Variants in ATRN observed in about 807,000 individuals in gnomAD.
The protein encoded by ATRN is attractin.
In ATRN, 54 loss-of-function variants were observed where a neutral mutation model predicts 178.7. The observed-to-expected ratio is 0.30, with a 90% CI of 0.24 to 0.38. The LOEUF (loss-of-function observed/expected upper bound fraction) is 0.38. Among genes scored for constraint, ATRN ranks in the 10% least tolerant of loss-of-function variants. The probability of loss-of-function intolerance (pLI) is 1.00; values close to 1 mark genes in which losing one functional copy is unlikely to be tolerated. For synonymous variants in ATRN, 636 were observed against 663.0 expected (o/e 0.96, Z 0.63); for missense variants, 1,443 against 1,815.1 (o/e 0.79, Z 3.73).
chr20:3,562,060 C>T (rs569302795), intron 8 of ATRN, among the ~76,000 whole-genome samples: 1 of 152,292 alleles, frequency 6.6e-6, no homozygotes, highest in African/African-American at 2.4e-5. Flanking sequence ...TCTTTTCCTA[C>T]ATGGCATATT....
At chr20:3,626,976 G>C (rs944762618) in intron 25 of ATRN, among the ~76,000 whole-genome samples, 7 of 151,796 alleles carry the variant, frequency 4.6e-5, no homozygotes, top group Non-Finnish European at 1.0e-4. Flanking sequence ...TAGCAGAGAC[G>C]GGGTTTCACC....
chr20:3,602,095 A>C (rs747769894), intron 23 of ATRN, among the ~76,000 whole-genome samples: 2 of 151,992 alleles, frequency 1.3e-5, no homozygotes, highest in South Asian at 4.2e-4. Context: ...GTGGGAAGCC[A>C]AGGTGGGAAG....
At chr20:3,540,450 T>C in intron 3 of ATRN, 115 bp downstream of exon 3, 1 of 674,518 alleles carries the variant, frequency 1.5e-6, no homozygotes, top group Non-Finnish European at 2.5e-6. Flanking sequence ...ATTTATTTAA[T>C]GGAAAGAATA....
chr20:3,506,022 A>G lies in ATRN; in HGVS notation c.411-29231A>G, dbSNP rs200555394. On this transcript the variant is annotated intron_variant, in intron 1 of 28. Coordinates refer to ENST00000262919, the MANE Select transcript of ATRN (RefSeq NM_139321.3). ...ACTGTGGAGGTAGATCCTTGAATCT[A>G]TACAGGTGACAGAATTGTATAGACT... Among the ~76,000 whole-genome samples the G allele has an allele frequency of 5.9e-5, 9 of 152,312 alleles. No homozygotes were observed. The East Asian group carries it at 1.7e-3, about 29-fold the overall frequency.
Position 3,547,163 on chromosome 20 carries a change from G to A in ATRN, c.738-121G>A, listed in dbSNP as rs1254697975. The A allele has an allele frequency of 6.4e-6, 5 of 780,928 alleles. No homozygotes were observed. The African/African-American group carries it at 8.6e-5, about 13-fold the overall frequency. 48.4% of individuals were successfully genotyped at this position (780,928 alleles called of 1,614,324 possible). On this transcript the variant is annotated intron_variant, in intron 4 of 28. Coordinates refer to ENST00000262919, the MANE Select transcript of ATRN (RefSeq NM_139321.3). The stretch of plus-strand genomic sequence containing the variant: ...CATTTGGACTGAATCCTTAAGTACT[G>A]CAGTTACACTTGTGAATGAACTGAG...
intron 1 of ATRN, among the ~76,000 whole-genome samples, chr20:3,510,924 G>A (rs188488280): frequency 3.2e-4 from 49 of 152,190 alleles, no homozygotes; most frequent in African/African-American, 9.2e-4. Flanking sequence ...TCAGTAGTTC[G>A]TAGAACAAAA....
intron 3 of ATRN, among the ~76,000 whole-genome samples, chr20:3,545,292 C>T (rs1227910531): frequency 2.7e-5 from 4 of 150,894 alleles, no homozygotes; most frequent in Admixed American, 1.3e-4. Context: ...CGCTTGAACC[C>T]CGGGACGCAG....
intron 2 of ATRN, among the ~76,000 whole-genome samples, chr20:3,538,765 A>G (rs914152220): frequency 6.6e-6 from 1 of 152,026 alleles, no homozygotes; most frequent in African/African-American, 2.4e-5. Context: ...CTCCTGGGCC[A>G]CTTAATAGCC....
At chr20:3,615,574 G>GAACACTTCACC (rs2086834140) in intron 24 of ATRN, among the ~76,000 whole-genome samples, 1 of 117,224 alleles carries the variant, frequency 8.5e-6, no homozygotes, top group African/African-American at 3.2e-5. Flanking sequence ...TTTTTTTTTG[G>GAACACTTCACC]AGACAGAGTC....
In ATRN at chr20:3,634,266, AT is replaced by A. The variant is rs770636742; in HGVS notation, c.3864-43del. On this transcript the variant is annotated intron_variant, in intron 25 of 28. Transcript: ENST00000262919. ...GAGGTGTGGGCAACGGTGGGAGCTG[AT>A]TCTGGGGGCTGGGATAATAACTCAG... 5.5e-5 allele frequency: 87 copies of A among 1,585,164 alleles called. No individual in the cohort carries two copies. In the South Asian group the frequency reaches 6.0e-4, roughly 11 times the overall value.
chr20:3,537,477 A>T (rs997673133), intron 2 of ATRN, among the ~76,000 whole-genome samples: 6 of 139,976 alleles, frequency 4.3e-5, no homozygotes, highest in Admixed American at 3.5e-4. Flanking sequence ...AGTGTTTTAT[A>T]TATTTTTTTC....
chr20:3,565,527 G>A, intron 11 of ATRN, 95 bp downstream of exon 11: 1 of 1,021,004 alleles, frequency 9.8e-7, no homozygotes, highest in Admixed American at 2.0e-5. Flanking sequence ...TGGCACTTTG[G>A]GAGGCCGAGG....
At chr20:3,596,821 C>G (rs2086536813) in intron 21 of ATRN, among the ~76,000 whole-genome samples, 1 of 152,050 alleles carries the variant, frequency 6.6e-6, no homozygotes, top group Non-Finnish European at 1.5e-5. Context: ...GTCATTCTGT[C>G]TGGAACTGAT....
At chr20:3,615,757 T>C in intron 24 of ATRN, 1 of 454,336 alleles carries the variant, frequency 2.2e-6, no homozygotes, top group Non-Finnish European at 4.4e-6. Context: ...GGTTTTACCA[T>C]GTTGCCCCCA....
At chr20:3,597,776 AC>A (rs2086551734) in intron 21 of ATRN, 129 bp from the exon 22 acceptor site, 2 of 563,940 alleles carry the variant, frequency 3.5e-6, no homozygotes, top group Non-Finnish European at 6.3e-6. Flanking sequence ...TCTTTGAGGA[AC>A]CTGGGTACAG....
chr20:3,638,821 T>G lies in ATRN; in HGVS notation c.3943-7T>G. On this transcript the variant is annotated splice_region_variant and splice_polypyrimidine_tract_variant and intron_variant, in intron 26 of 28. Coordinates refer to ENST00000262919, the MANE Select transcript of ATRN (RefSeq NM_139321.3). This position sits in a 1 kb window ranked among gnomAD's most constrained non-coding sequence, Gnocchi z 4.5. ...TCCATTAATGGCTTTGCCATATTAT[T>G]TATCAGCAACTTCTTCGAGAGATGC... The G allele has an allele frequency of 6.2e-7, 1 of 1,613,878 alleles. No homozygotes were observed. The highest frequency in any genetic ancestry group is 8.5e-7 in the Non-Finnish European group (1 of 1,179,774).
chr20:3,611,959 T>G (rs2086773341), intron 24 of ATRN, among the ~76,000 whole-genome samples: 4 of 152,202 alleles, frequency 2.6e-5, no homozygotes. Flanking sequence ...AATGTTATAC[T>G]TATCATATAA....
chr20:3,641,107 G>A (rs943897051), intron 27 of ATRN, among the ~76,000 whole-genome samples: 1 of 152,226 alleles, frequency 6.6e-6, no homozygotes, highest in Non-Finnish European at 1.5e-5. Context: ...GGGGCTGGGA[G>A]AAGGGGAAAA....
At chr20:3,529,446 CCA>C (rs1345513482) in intron 1 of ATRN, among the ~76,000 whole-genome samples, 7 of 152,160 alleles carry the variant, frequency 4.6e-5, no homozygotes, top group African/African-American at 1.7e-4. Flanking sequence ...CAAGTGTCCA[CCA>C]ATAAACAAGT....
Sources: allele counts gnomAD v4.1 joint callset (sites outside exome capture counted in the v4.1 genomes callset), GRCh38; gene constraint gnomAD v4.1.1; non-coding constraint Gnocchi (gnomAD v3.1); transcripts MANE v1.5; gene names NCBI Gene and HGNC (gene_info 2026-07-23, HGNC 2026-07-21).